Variants in TSPEAR observed in about 807,000 individuals in gnomAD.
TSPEAR encodes thrombospondin-type laminin G domain and EAR repeat-containing protein.
TSPEAR carries 69 observed loss-of-function variants against 71.6 expected under a neutral mutation model. That is an observed-to-expected ratio of 0.96 (90% CI 0.79 to 1.18). The LOEUF (loss-of-function observed/expected upper bound fraction) is 1.18. TSPEAR is among the 50% of genes most tolerant of loss of function. TSPEAR has a pLI of 0.00. For missense variants in TSPEAR, 971 were observed against 894.9 expected (o/e 1.09, Z -1.09); for synonymous variants, 402 against 387.2 (o/e 1.04, Z -0.45).
At chr21:44,601,410 G>A in intron 1 of TSPEAR, 2 of 1,612,304 alleles carry the variant, frequency 1.2e-6, no homozygotes, top group Non-Finnish European at 1.7e-6. Flanking sequence ...AAAGCCAGCA[G>A]GGCTGCTGCG....
At chr21:44,637,469 C>A (rs782104365) in intron 1 of TSPEAR, 1 of 1,612,982 alleles carries the variant, frequency 6.2e-7, no homozygotes, top group Non-Finnish European at 8.5e-7. Flanking sequence ...TGACTCTTGG[C>A]GGGTAGTCGA....
intron 8 of TSPEAR, among the ~76,000 whole-genome samples, chr21:44,523,899 T>C (rs1437468991): frequency 4.0e-5 from 6 of 151,226 alleles, no homozygotes; most frequent in African/African-American, 1.2e-4. Flanking sequence ...AGGTTATTAA[T>C]CAGTCAGGTA....
intron 1 of TSPEAR, among the ~76,000 whole-genome samples, chr21:44,678,532 T>C (rs117557220): frequency 0.053 from 8,058 of 152,242 alleles, 236 homozygotes; most frequent in Middle Eastern, 0.14. Context: ...TTAAACCTCT[T>C]TTCTTTATAA....
At chr21:44,528,812 A>T (rs782585125) in intron 5 of TSPEAR, among the ~76,000 whole-genome samples, 3 of 152,124 alleles carry the variant, frequency 2.0e-5, no homozygotes, top group Non-Finnish European at 4.4e-5. Flanking sequence ...TGGTCAGCCC[A>T]CCCTCTGTCC....
chr21:44,626,928 T>C (rs1982828455), intron 1 of TSPEAR, among the ~76,000 whole-genome samples: 1 of 151,740 alleles, frequency 6.6e-6, no homozygotes, highest in African/African-American at 2.4e-5. Context: ...CAACAGACTA[T>C]AGCCCAGGTG....
chr21:44,684,466 C>A (rs961506278), intron 1 of TSPEAR, among the ~76,000 whole-genome samples: 1 of 152,164 alleles, frequency 6.6e-6, no homozygotes, highest in Non-Finnish European at 1.5e-5. Flanking sequence ...CCCAGGAGTT[C>A]GAAGCTGCAG....
chr21:44,647,323 A>G lies in TSPEAR; in HGVS notation c.82+64110T>C, dbSNP rs782757565. 5.9e-5 allele frequency: 96 copies of G among 1,613,710 alleles called. No homozygotes were observed. The highest frequency in any genetic ancestry group is 1.0e-4 in the Admixed American group (6 of 59,990). ...CGCAAGCTCCCGCCTGGCCTGCTAC[A>G]GCCTCTGCTCAGGCAAGAAGTCCAG... is the stretch of plus-strand genomic sequence containing the variant. On this transcript the variant is annotated intron_variant, in intron 1 of 11. Transcript: ENST00000323084.
chr21:44,596,968 C>A (rs969609507), intron 1 of TSPEAR, among the ~76,000 whole-genome samples: 1 of 152,106 alleles, frequency 6.6e-6, no homozygotes, highest in Non-Finnish European at 1.5e-5. Context: ...TTCTCTCCTG[C>A]AATTTAAAAA....
At chr21:44,689,709 ATG>A (rs1491395425) in intron 1 of TSPEAR, among the ~76,000 whole-genome samples, 2 of 65,924 alleles carry the variant, frequency 3.0e-5, no homozygotes, top group Non-Finnish European at 5.7e-5. Flanking sequence ...ACAGAATAGA[ATG>A]AATATATATA....
intron 1 of TSPEAR, chr21:44,638,033 G>C: frequency 6.2e-7 from 1 of 1,613,166 alleles, no homozygotes; most frequent in Non-Finnish European, 8.5e-7. Context: ...CTGCGTGCCC[G>C]TCCCCTCCTG....
In TSPEAR at chr21:44,503,980, G is replaced by A. The variant is rs181458666; in HGVS notation, c.1856+800C>T. 4.9e-3 allele frequency among the ~76,000 whole-genome samples: 662 copies of A among 135,400 alleles called. 21 individuals carry two copies. Among genetic ancestry groups the A allele is most frequent in the Admixed American group, 0.039 (545 of 13,962 alleles). 88.8% of individuals were successfully genotyped at this position (135,400 alleles called of 152,430 possible). On this transcript the variant is annotated intron_variant, in intron 11 of 11. Transcript: ENST00000323084. The stretch of plus-strand genomic sequence containing the variant: ...AGGCCGGAGTTGGTGAGCCCTCGGC[G>A]GGGAAGCAAGGCTCTGGGAGGAAGC...
rs782797884 is a variant in TSPEAR at position 44,591,767 on chromosome 21, C to T, written c.83-23762G>A. 3 of 1,591,104 alleles carry T rather than the reference C, an allele frequency of 1.9e-6. No homozygotes were observed. The Admixed American group carries it at 5.2e-5, about 28-fold the overall frequency. ...GAGGAATCCTCAGAGCAGGTGGGCA[C>T]ACAGCACACAGGCACGCAGCAGACG... On this transcript the variant is annotated intron_variant, in intron 1 of 11. Transcript: ENST00000323084.
chr21:44,612,911 T>C lies in TSPEAR; in HGVS notation c.83-44906A>G, dbSNP rs782596137. 156 of 1,605,330 alleles carry C rather than the reference T, an allele frequency of 9.7e-5. No individual in the cohort carries two copies. Among genetic ancestry groups the C allele is most frequent in the Admixed American group, 3.0e-4 (18 of 59,858 alleles). On this transcript the variant is annotated intron_variant, in intron 1 of 11. Transcript: ENST00000323084. This position sits in a 1 kb window ranked among gnomAD's most constrained non-coding sequence, Gnocchi z 4.1. ...CTGCTCAGGCCAGGAGTCCAGCTGC[T>C]GATGGGCACGTCCCCCAGGGCCAGC...
At chr21:44,541,183 C>T (rs373927727) in intron 2 of TSPEAR, among the ~76,000 whole-genome samples, 14 of 152,256 alleles carry the variant, frequency 9.2e-5, no homozygotes, top group African/African-American at 3.4e-4. Flanking sequence ...GTGTGTTTGT[C>T]TTGTTCACCA....
chr21:44,632,798 C>T (rs1004665847), intron 1 of TSPEAR, among the ~76,000 whole-genome samples: 1 of 152,112 alleles, frequency 6.6e-6, no homozygotes, highest in Non-Finnish European at 1.5e-5. Context: ...GAGCCAAGAT[C>T]GTGCCACTGC....
Position 44,531,122 on chromosome 21 carries a change from A to G in TSPEAR, c.554T>C (p.Val185Ala). 2 of 1,613,748 alleles carry G rather than the reference A, an allele frequency of 1.2e-6. No homozygotes were observed. Among genetic ancestry groups the G allele is most frequent in the Non-Finnish European group, 1.7e-6 (2 of 1,179,898 alleles). Residue 185 changes from valine (V) to alanine (A), a missense_variant, in exon 4 of 12, where the codon GTG becomes GCG. By Grantham distance (64) the Val-to-Ala change is moderately conservative. Transcript: ENST00000323084. ...CACTGACAGGGTGGCTGGGAAGGGC[A>G]CATCGGCCATTCTGAAAATATCAAA... ...CGLPVDIMADVPFPATLSVKG... is the reference protein window; with the variant it reads ...CGLPVDIMADAPFPATLSVKG...
intron 1 of TSPEAR, among the ~76,000 whole-genome samples, chr21:44,707,748 A>C (rs1230542981): frequency 4.6e-5 from 7 of 152,142 alleles, no homozygotes; most frequent in Admixed American, 4.6e-4. Context: ...TGAGAGACAA[A>C]GGTGATGGGT....
intron 1 of TSPEAR, among the ~76,000 whole-genome samples, chr21:44,643,543 T>G (rs1303134993): frequency 6.6e-6 from 1 of 152,222 alleles, no homozygotes; most frequent in Non-Finnish European, 1.5e-5. Flanking sequence ...AATTCTTGTT[T>G]GTCAATTATA....
rs587772924 is a variant in TSPEAR, at chr21:44,653,418, T to C, written c.82+58015A>G. On this transcript the variant is annotated intron_variant, in intron 1 of 11. Transcript: ENST00000323084. ...GGGCTGCCCCCGGGCTGGTGTGAGC[T>C]GAAACACGGAGCCGGAATCTCTGAC... Among the ~76,000 whole-genome samples the C allele has an allele frequency of 3.5e-4, 54 of 152,132 alleles. 1 individual carries two copies. Among genetic ancestry groups the C allele is most frequent in the Admixed American group, 7.2e-4 (11 of 15,272 alleles).
Sources: gnomAD v4.1 joint callset for allele counts (sites outside exome capture counted in the v4.1 genomes callset) on GRCh38, gnomAD v4.1.1 for gene constraint, Gnocchi (gnomAD v3.1) non-coding constraint, MANE v1.5 for transcripts, NCBI Gene and HGNC (gene_info 2026-07-23, HGNC 2026-07-21) for gene names.